The following TMEM132C variants were observed in gnomAD, a reference collection of about 807,000 sequenced individuals.
TMEM132C encodes transmembrane protein 132C.
Under a neutral mutation model 61.4 loss-of-function variants are expected in TMEM132C, and 29 were observed. The observed-to-expected ratio is 0.47, with a 90% CI of 0.35 to 0.64. The LOEUF (loss-of-function observed/expected upper bound fraction) is 0.64, where lower values mean the gene tolerates loss of function less well. Among genes scored for constraint, TMEM132C ranks in the 30% least tolerant of loss-of-function variants. The pLI, the probability that TMEM132C is intolerant of heterozygous loss-of-function variation, is 0.00. For synonymous variants in TMEM132C, 656 were observed against 633.1 expected (o/e 1.04, Z -0.54); for missense variants, 1,408 against 1,476.9 (o/e 0.95, Z 0.76).
chr12:128,544,294 G>T lies in TMEM132C; in HGVS notation c.1121+191G>T, dbSNP rs73159898. 1.9e-3 allele frequency among the ~76,000 whole-genome samples: 294 copies of T among 152,358 alleles called. 1 individual carries two copies. The highest frequency in any genetic ancestry group is 0.01 in the Middle Eastern group (3 of 292). ...CCTCTGCAGCAGGGCGGGGTGGGGC[G>T]CTCGCTCTGCAGCGCTGCGGGGTCA... On this transcript the variant is annotated intron_variant, in intron 3 of 8. Coordinates refer to ENST00000435159, the MANE Select transcript of TMEM132C (RefSeq NM_001136103.3).
intron 3 of TMEM132C, among the ~76,000 whole-genome samples, chr12:128,551,221 C>T (rs1874165557): frequency 6.6e-6 from 1 of 151,174 alleles, no homozygotes; most frequent in Non-Finnish European, 1.5e-5. Flanking sequence ...CCCCCCCCTC[C>T]CGCTTCCTCC....
Position 128,494,190 on chromosome 12 carries a change from G to T in TMEM132C, c.975-49767G>T, listed in dbSNP as rs530497492. The stretch of plus-strand genomic sequence containing the variant: ...TATGTTGAACCAGCCATGCATCCCA[G>T]GGATGAAGCCCACTTGATCATGGTG... On this transcript the variant is annotated intron_variant, in intron 2 of 8. Transcript: ENST00000435159. 3.9e-5 allele frequency among the ~76,000 whole-genome samples: 6 copies of T among 152,264 alleles called. No individual in the cohort carries two copies. The East Asian group carries it at 9.6e-4, about 24-fold the overall frequency.
chr12:128,456,072 G>GC (rs1870329096), intron 2 of TMEM132C, among the ~76,000 whole-genome samples: 1 of 152,118 alleles, frequency 6.6e-6, no homozygotes, highest in Non-Finnish European at 1.5e-5. Flanking sequence ...GGATTCTGAG[G>GC]CCATGCCTGA....
intron 4 of TMEM132C, among the ~76,000 whole-genome samples, chr12:128,667,250 G>A (rs537912507): frequency 6.6e-5 from 10 of 152,278 alleles, no homozygotes; most frequent in South Asian, 2.1e-4. Context: ...TGCAACAGCC[G>A]TTAGAAAACT....
intron 2 of TMEM132C, among the ~76,000 whole-genome samples, chr12:128,467,734 G>A (rs577256115): frequency 6.6e-6 from 1 of 152,138 alleles, no homozygotes; most frequent in Non-Finnish European, 1.5e-5. Context: ...CTAATACTCA[G>A]CTTCCGATCA....
intron 4 of TMEM132C, among the ~76,000 whole-genome samples, chr12:128,618,711 G>A (rs532017398): frequency 3.3e-5 from 5 of 152,156 alleles, no homozygotes; most frequent in African/African-American, 7.2e-5. Flanking sequence ...CTCTCTTCCC[G>A]TCGCCATGTA....
chr12:128,611,243 C>T (rs1449880831), intron 3 of TMEM132C, among the ~76,000 whole-genome samples: 1 of 152,190 alleles, frequency 6.6e-6, no homozygotes, highest in Admixed American at 6.5e-5. Context: ...CATGTGTGTG[C>T]TCCCCTTAAA....
Position 128,669,420 on chromosome 12 carries a change from A to C in TMEM132C, c.1309A>C (p.Thr437Pro). The part of the protein sequence containing the change: ...LVGIVPLAMD[T>P]EILNTAVLTG... ...TGTGTTTGATTCTTTTTGGCAGGAC[A>C]CTGAAATTCTGAACACCGCCGTACT... Residue 437 changes from threonine to proline, a missense_variant, in exon 5 of 9, where the codon ACT (threonine) becomes CCT (proline). Transcript: ENST00000435159. The C allele has an allele frequency of 6.4e-7, 1 of 1,551,520 alleles. No individual in the cohort carries two copies. Among genetic ancestry groups the C allele is most frequent in the Non-Finnish European group, 8.7e-7 (1 of 1,146,938 alleles).
At chr12:128,666,628 C>T (rs570875936) in intron 4 of TMEM132C, among the ~76,000 whole-genome samples, 27 of 152,264 alleles carry the variant, frequency 1.8e-4, no homozygotes, top group Non-Finnish European at 3.7e-4. Flanking sequence ...AAGCAAGGAG[C>T]GGAATCCAGG....
chr12:128,388,078 G>A (rs1159720454), intron 1 of TMEM132C, among the ~76,000 whole-genome samples: 2 of 152,204 alleles, frequency 1.3e-5, no homozygotes, highest in East Asian at 3.9e-4. Context: ...TTTCACCCAG[G>A]GGATCCCTCC....
Position 128,267,540 on chromosome 12 carries a change from C to T in TMEM132C, c.85+53C>T, listed in dbSNP as rs928654946. On this transcript the variant is annotated intron_variant, in intron 1 of 8. Transcript: ENST00000435159. ...CCGACGCATGCGAACTTCCCGGTTC[C>T]GGGGGAGCTCGGGGTGAGGGCAGCC... 2.5e-6 allele frequency: 3 copies of T among 1,203,612 alleles called. No individual in the cohort carries two copies. In the African/African-American group the frequency reaches 4.8e-5, roughly 19 times the overall value. The allele number at this position is 1,203,612 out of a possible 1,614,324, so 74.6% of individuals were successfully genotyped here. A position where few individuals can be genotyped will look rare whatever the true frequency, so the allele number is the denominator to read the frequency against.
At chr12:128,488,467 C>T (rs1871579845) in intron 2 of TMEM132C, among the ~76,000 whole-genome samples, 2 of 152,120 alleles carry the variant, frequency 1.3e-5, no homozygotes, top group South Asian at 2.1e-4. Context: ...TCAAGACCAG[C>T]CTGGTCAACA....
intron 3 of TMEM132C, among the ~76,000 whole-genome samples, chr12:128,549,437 C>T (rs1008149513): frequency 2.0e-5 from 3 of 152,040 alleles, no homozygotes; most frequent in Admixed American, 6.5e-5. Flanking sequence ...CTGCTTGGCT[C>T]GGAAAATATC....
chr12:128,673,298 T>C (rs1954551298), intron 5 of TMEM132C, among the ~76,000 whole-genome samples: 1 of 152,190 alleles, frequency 6.6e-6, no homozygotes, highest in African/African-American at 2.4e-5. Flanking sequence ...CTCTCTACTA[T>C]GTGAGGATAT....
intron 1 of TMEM132C, among the ~76,000 whole-genome samples, chr12:128,320,497 G>GGCTCAT (rs1872296133): frequency 1.3e-5 from 2 of 152,118 alleles, no homozygotes; most frequent in Non-Finnish European, 2.9e-5. Flanking sequence ...CAGGTGCAAG[G>GGCTCAT]GCTCATGCCT....
chr12:128,648,811 G>A (rs1954237733), intron 4 of TMEM132C, among the ~76,000 whole-genome samples: 1 of 151,620 alleles, frequency 6.6e-6, no homozygotes, highest in South Asian at 2.1e-4. Context: ...GTTTACTAGA[G>A]TCCATCAGCA....
At chr12:128,553,963 G>A (rs1403337799) in intron 3 of TMEM132C, among the ~76,000 whole-genome samples, 1 of 152,218 alleles carries the variant, frequency 6.6e-6, no homozygotes, top group Non-Finnish European at 1.5e-5. Context: ...GGGTGTCTGT[G>A]CCCAGGACTG....
At chr12:128,338,806 G>A (rs187785081) in intron 1 of TMEM132C, among the ~76,000 whole-genome samples, 12 of 143,998 alleles carry the variant, frequency 8.3e-5, no homozygotes, top group African/African-American at 3.5e-4. Context: ...CCGTCCTAGG[G>A]TCTTAAGATT....
At chr12:128,308,766 G>A (rs1871871533) in intron 1 of TMEM132C, among the ~76,000 whole-genome samples, 1 of 152,184 alleles carries the variant, frequency 6.6e-6, no homozygotes, top group Admixed American at 6.5e-5. Flanking sequence ...CACAAGGCCG[G>A]GGGTTTGCTC....
Sources: gnomAD v4.1 joint callset for allele counts (sites outside exome capture counted in the v4.1 genomes callset) on GRCh38, gnomAD v4.1.1 for gene constraint, MANE v1.5 for transcripts, NCBI Gene and HGNC (gene_info 2026-07-23, HGNC 2026-07-21) for gene names.